Variants in RAPGEF4 observed in about 807,000 individuals in gnomAD.
RAPGEF4 encodes RAP guanine-nucleotide-exchange factor (GEF) 4.
RAPGEF4 carries 66 observed loss-of-function variants against 147.9 expected under a neutral mutation model. The observed-to-expected ratio is 0.45, with a 90% CI of 0.37 to 0.55. RAPGEF4 has a LOEUF of 0.55. Ranked by LOEUF, RAPGEF4 falls within the 20% of genes least tolerant of loss-of-function variation. The pLI, the probability that RAPGEF4 is intolerant of heterozygous loss-of-function variation, is 0.00. For missense variants in RAPGEF4, 1,071 were observed against 1,257.3 expected (o/e 0.85, Z 2.24); for synonymous variants, 419 against 442.7 (o/e 0.95, Z 0.67).
chr2:172,890,524 A>G lies in RAPGEF4; in HGVS notation c.445-27278A>G, dbSNP rs569865115. On this transcript the variant is annotated intron_variant, in intron 4 of 30. Coordinates refer to ENST00000397081, the MANE Select transcript of RAPGEF4 (RefSeq NM_007023.4). The stretch of plus-strand genomic sequence containing the variant: ...ATAAATAAACCAGTGAAGGGGGCTT[A>G]GAATCTCATCCATTTAGAACTTCAT... Among the ~76,000 whole-genome samples, 18 of 152,320 alleles carry G rather than the reference A, an allele frequency of 1.2e-4. No homozygotes were observed. The East Asian group carries it at 2.3e-3, about 20-fold the overall frequency.
At position 172,795,047 on chromosome 2, in the gene RAPGEF4, G is replaced by T; in HGVS notation, c.88G>T (p.Asp30Tyr). The change falls in exon 2 of 31, where the codon GAT (aspartate) becomes TAT (tyrosine). Residue 30 changes from aspartate to tyrosine, a missense_variant. Transcript: ENST00000397081. ...DKRPLERSSE[D>Y]VDIIFTRLKE... is the part of the protein sequence containing the mutation. ...CAGACCACTGGAGCGATCCAGCGAA[G>T]ATGTGGATATAATCTTCACTCGACT... 1 of 1,614,050 alleles carries T rather than the reference G, an allele frequency of 6.2e-7. No individual in the cohort carries two copies. Among genetic ancestry groups the T allele is most frequent in the Non-Finnish European group, 8.5e-7 (1 of 1,179,952 alleles).
At chr2:172,984,766 G>T (rs1022451144) in intron 11 of RAPGEF4, among the ~76,000 whole-genome samples, 10 of 152,248 alleles carry the variant, frequency 6.6e-5, no homozygotes, top group African/African-American at 1.7e-4. Context: ...AGCATGTCCC[G>T]ATCCGACTTC....
At chr2:172,996,173 C>G (rs1693340234) in intron 15 of RAPGEF4, among the ~76,000 whole-genome samples, 1 of 152,112 alleles carries the variant, frequency 6.6e-6, no homozygotes, top group Admixed American at 6.5e-5. Context: ...GGAAAAAAGA[C>G]TGAAGTTTCT....
At chr2:172,783,775 A>AGTGT (rs10685817) in intron 1 of RAPGEF4, among the ~76,000 whole-genome samples, 156 of 147,772 alleles carry the variant, frequency 1.1e-3, no homozygotes, top group African/African-American at 3.3e-3. Context: ...TGTATGTGTG[A>AGTGT]GTGTGTGTGT....
At chr2:172,793,537 T>C (rs1686037526) in intron 1 of RAPGEF4, among the ~76,000 whole-genome samples, 1 of 152,204 alleles carries the variant, frequency 6.6e-6, no homozygotes, top group South Asian at 2.1e-4. Flanking sequence ...ATTACTTGTC[T>C]CTGTCACATC....
chr2:172,853,382 TTGTC>T (rs1693072591), intron 4 of RAPGEF4, among the ~76,000 whole-genome samples: 1 of 152,022 alleles, frequency 6.6e-6, no homozygotes, highest in African/African-American at 2.4e-5. Flanking sequence ...TTGAAGGAAT[TTGTC>T]TGTTTTATCT....
intron 6 of RAPGEF4, among the ~76,000 whole-genome samples, chr2:172,948,447 A>G (rs898484079): frequency 6.6e-6 from 1 of 152,212 alleles, no homozygotes; most frequent in African/African-American, 2.4e-5. Flanking sequence ...CAAAACAACG[A>G]AGCCTCAAAA....
intron 9 of RAPGEF4, among the ~76,000 whole-genome samples, chr2:172,966,538 G>A (rs1252150432): frequency 6.6e-6 from 1 of 152,104 alleles, no homozygotes; most frequent in Non-Finnish European, 1.5e-5. Context: ...TACCTTTTGA[G>A]AGTATTGATG....
At chr2:172,745,278 C>G (rs1382043445) in intron 1 of RAPGEF4, among the ~76,000 whole-genome samples, 1 of 151,972 alleles carries the variant, frequency 6.6e-6, no homozygotes, top group Non-Finnish European at 1.5e-5. Flanking sequence ...GAGGACTGTT[C>G]AGATTTTCTT....
At chr2:172,780,578 C>CT (rs1457872616) in intron 1 of RAPGEF4, among the ~76,000 whole-genome samples, 6 of 151,804 alleles carry the variant, frequency 4.0e-5, no homozygotes, top group East Asian at 1.9e-4. Flanking sequence ...GGGCAGAGAG[C>CT]TTTTTTTTGG....
In RAPGEF4 at chr2:173,008,368, T is replaced by G. The variant is rs35827899; in HGVS notation, c.1659-6096T>G. On this transcript the variant is annotated intron_variant, in intron 17 of 30. Transcript: ENST00000397081. ...GTTGTGAAAATCAAATGAGGTTATG[T>G]GTGTGAACATACGTTATAAACCTTA... 1.7e-3 allele frequency among the ~76,000 whole-genome samples: 255 copies of G among 152,310 alleles called. 1 individual carries two copies. The highest frequency in any genetic ancestry group is 5.8e-3 in the African/African-American group (243 of 41,554).
intron 6 of RAPGEF4, among the ~76,000 whole-genome samples, chr2:172,939,821 A>G (rs1324871006): frequency 6.6e-6 from 1 of 152,134 alleles, no homozygotes; most frequent in East Asian, 1.9e-4. Context: ...GTCTGTGTGT[A>G]GATTCATTTT....
At chr2:172,957,759 G>A (rs1454128508) in intron 6 of RAPGEF4, among the ~76,000 whole-genome samples, 1 of 152,198 alleles carries the variant, frequency 6.6e-6, no homozygotes, top group Non-Finnish European at 1.5e-5. Flanking sequence ...CCTTTCAACA[G>A]ATGAAATACC....
At chr2:172,929,455 G>A (rs1168957682) in intron 6 of RAPGEF4, among the ~76,000 whole-genome samples, 1 of 152,058 alleles carries the variant, frequency 6.6e-6, no homozygotes. Context: ...GTATAAATAT[G>A]TATATAGCAA....
Position 172,800,788 on chromosome 2 carries a change from G to T in RAPGEF4, c.297+3175G>T, listed in dbSNP as rs547273492. 3.3e-5 allele frequency among the ~76,000 whole-genome samples: 5 copies of T among 152,274 alleles called. No individual in the cohort carries two copies. The East Asian group carries it at 9.6e-4, about 29-fold the overall frequency. ...ATCATGGAGGGTAATCAACTTTAAG[G>T]TCTACTGATTGTAAAGGTTAATCAT... On this transcript the variant is annotated intron_variant, in intron 3 of 30. Transcript: ENST00000397081.
intron 1 of RAPGEF4, among the ~76,000 whole-genome samples, chr2:172,781,464 C>G (rs1684673378): frequency 6.6e-6 from 1 of 152,088 alleles, no homozygotes; most frequent in Non-Finnish European, 1.5e-5. Flanking sequence ...GAGATGAGGT[C>G]TTGCTTTATT....
At chr2:172,784,878 T>G (rs1574828942) in intron 1 of RAPGEF4, among the ~76,000 whole-genome samples, 1 of 151,268 alleles carries the variant, frequency 6.6e-6, no homozygotes, top group Non-Finnish European at 1.5e-5. Flanking sequence ...CAGGCTGGAG[T>G]GCAATGGTGC....
In RAPGEF4 at chr2:172,882,536, A is replaced by G. The variant is rs539764335; in HGVS notation, c.445-35266A>G. Among the ~76,000 whole-genome samples the G allele has an allele frequency of 7.2e-4, 109 of 152,270 alleles. 1 individual carries two copies. The highest frequency in any genetic ancestry group is 2.2e-3 in the African/African-American group (90 of 41,556). The stretch of plus-strand genomic sequence containing the variant: ...AAAATGCACTATGAGAAGCTATCAT[A>G]GGAGGAGGAGGAGGCTGTGTGTTAT... On this transcript the variant is annotated intron_variant, in intron 4 of 30. Transcript: ENST00000397081.
chr2:172,751,264 G>C (rs1438331410), intron 1 of RAPGEF4, among the ~76,000 whole-genome samples: 2 of 151,944 alleles, frequency 1.3e-5, no homozygotes, highest in Non-Finnish European at 1.5e-5. Flanking sequence ...ACTCTTGCTG[G>C]GTATACATTA....
Sources: gnomAD v4.1 joint callset for allele counts (sites outside exome capture counted in the v4.1 genomes callset) on GRCh38, gnomAD v4.1.1 for gene constraint, MANE v1.5 for transcripts, NCBI Gene and HGNC (gene_info 2026-07-23, HGNC 2026-07-21) for gene names.